The following TUBGCP6 variants were observed in gnomAD, a reference collection of about 807,000 sequenced individuals.
TUBGCP6 encodes tubulin gamma complex component 6.
TUBGCP6 carries 161 observed loss-of-function variants against 175.8 expected under a neutral mutation model. The ratio of observed to expected loss-of-function variants is 0.92; its 90% CI spans 0.81 to 1.04. The LOEUF is 1.04. Among genes scored for constraint, TUBGCP6 ranks in the 50% least tolerant of loss-of-function variants. The pLI is 0.00. For synonymous variants in TUBGCP6, 1,173 were observed against 1,030.5 expected, an observed-to-expected ratio of 1.14 and a Z score of -2.65; for missense variants, 2,572 against 2,433.0, an observed-to-expected ratio of 1.06 and a Z score of -1.20.
chr22:50,225,651 C>T, intron 10 of TUBGCP6, 143 bp downstream of exon 10: 2 of 1,106,214 alleles, frequency 1.8e-6, no homozygotes, highest in East Asian at 5.3e-5. Flanking sequence ...CCCTTGGCAC[C>T]CACCCAGGCC....
chr22:50,220,532 T>C lies in TUBGCP6; in HGVS notation c.3827A>G (p.His1276Arg). 1.2e-6 allele frequency: 2 copies of C among 1,613,494 alleles called. No homozygotes were observed. The highest frequency in any genetic ancestry group is 1.7e-6 in the Non-Finnish European group (2 of 1,179,992). Reference protein sequence around the residue: ...WNTHVPIPPPHMVLGALSPEA... With the variant: ...WNTHVPIPPPRMVLGALSPEA... ...TGGTGAGAGAGCCCCCAGCACCATGTGGGGCGGAGGGATGGGTACATGGGT... is the reference window on the plus strand; with the variant it reads ...TGGTGAGAGAGCCCCCAGCACCATGCGGGGCGGAGGGATGGGTACATGGGT... Residue 1276 changes from histidine to arginine, a missense_variant, in exon 16 of 25, where the codon CAC (histidine) becomes CGC (arginine). Coordinates refer to ENST00000248846, the MANE Select transcript of TUBGCP6 (RefSeq NM_020461.4).
chr22:50,237,748 A>G (rs1350097111), intron 2 of TUBGCP6, among the ~76,000 whole-genome samples: 1 of 152,240 alleles, frequency 6.6e-6, no homozygotes, highest in Non-Finnish European at 1.5e-5. Context: ...CAGCGTATTC[A>G]GAACAGGGTG....
rs533848968 is a variant in TUBGCP6 at position 50,242,806 on chromosome 22, TTTAA to T, written c.741+909_741+912del. Among the ~76,000 whole-genome samples, 673 of 152,318 alleles carry T rather than the reference TTTAA, an allele frequency of 4.4e-3. 3 individuals are homozygous for T. The highest frequency in any genetic ancestry group is 0.015 in the African/African-American group (636 of 41,564). ...TGAGGAACTGAGTATTTTATTTTGT[TTTAA>T]TTAACTTCAATTTAAACGGCAGCTC... On this transcript the variant is annotated intron_variant, in intron 1 of 24. Transcript: ENST00000248846.
At position 50,217,805 on chromosome 22, in the gene TUBGCP6, G is replaced by C. The variant is rs771804706; in HGVS notation, c.5391C>G (p.Arg1797=). ...LFKVVTKLVN[R]GYQPHLEDFL... is the part of the protein sequence containing the mutation. ...AGTCCTCCAGGTGGGGCTGGTAGCCGCGGTTCACCAGCTTGGTCACCACTG... is the reference window on the plus strand; with the variant it reads ...AGTCCTCCAGGTGGGGCTGGTAGCCCCGGTTCACCAGCTTGGTCACCACTG... Residue 1797 remains arginine (R), a synonymous_variant, in exon 25 of 25, where the codon CGC becomes CGG. Transcript: ENST00000248846. The C allele has an allele frequency of 9.3e-6, 15 of 1,613,792 alleles. No individual in the cohort carries two copies. The Admixed American group carries it at 2.5e-4, about 27-fold the overall frequency.
At chr22:50,237,720 C>T (rs1018769689) in intron 2 of TUBGCP6, among the ~76,000 whole-genome samples, 11 of 152,194 alleles carry the variant, frequency 7.2e-5, no homozygotes, top group African/African-American at 1.2e-4. Flanking sequence ...CCCCACCGTG[C>T]GGGAGCTCCG....
At chr22:50,242,637 C>T (rs994084207) in intron 1 of TUBGCP6, among the ~76,000 whole-genome samples, 5 of 152,172 alleles carry the variant, frequency 3.3e-5, no homozygotes, top group African/African-American at 7.2e-5. Context: ...CAATAAAATA[C>T]AAAACTCAAA....
intron 1 of TUBGCP6, 95 bp from the exon 2 acceptor site, chr22:50,240,462 A>C (rs1313716299): frequency 6.9e-7 from 1 of 1,442,600 alleles, no homozygotes; most frequent in Non-Finnish European, 9.5e-7. Context: ...GCAAAGACCT[A>C]ACAAAATGTT....
At chr22:50,225,753 C>T (rs2064597410) in intron 10 of TUBGCP6, 41 bp downstream of exon 10, 10 of 1,581,836 alleles carry the variant, frequency 6.3e-6, no homozygotes, top group Non-Finnish European at 8.6e-6. Flanking sequence ...GAAGCAGAGG[C>T]AGGGGCGAAG....
At chr22:50,227,321 T>G (rs1280036174) in intron 5 of TUBGCP6, among the ~76,000 whole-genome samples, 1 of 150,984 alleles carries the variant, frequency 6.6e-6, no homozygotes, top group Admixed American at 6.6e-5. Flanking sequence ...CAGCAGGCCC[T>G]CCCTCCCAGG....
rs1432710350 is a variant in TUBGCP6, at chr22:50,217,781, G to A, written c.5415C>T (p.Asp1805=). ...TGTTGAAGTTGATGCGCAGCAGAAA[G>A]TCCTCCAGGTGGGGCTGGTAGCCGC... The part of the protein sequence containing the change: ...VNRGYQPHLE[D]FLLRINFNNY... The change falls in exon 25 of 25, where the codon GAC becomes GAT. Residue 1805 remains aspartate (D), a synonymous_variant. Coordinates refer to ENST00000248846, the MANE Select transcript of TUBGCP6 (RefSeq NM_020461.4). The A allele has an allele frequency of 1.2e-6, 2 of 1,613,922 alleles. No homozygotes were observed. The highest frequency in any genetic ancestry group is 1.3e-5 in the African/African-American group (1 of 74,908).
chr22:50,217,881 G>GC (rs754731247), intron 24 of TUBGCP6, 37 bp downstream of exon 24: 145 of 1,605,180 alleles, frequency 9.0e-5, no homozygotes, highest in South Asian at 6.7e-4. Context: ...CCCCGCCCTG[G>GC]CCCCCCCGCA....
rs749460077 is a variant in TUBGCP6, at chr22:50,244,015, C to T, written c.445G>A (p.Asp149Asn). ...VGRNVPYSGY[D>N]CDDLSVFEMD... is the part of the protein sequence containing the mutation. ...TCAAACACACTCAGGTCGTCGCAAT[C>T]ATAGCCGCTGTACGGAACGTTTCTC... Residue 149 changes from aspartate (D) to asparagine (N), a missense_variant, in exon 1 of 25, where the codon GAT (aspartate) becomes AAT (asparagine). Transcript: ENST00000248846. The T allele has an allele frequency of 5.0e-6, 8 of 1,614,012 alleles. No homozygotes were observed. The Admixed American group carries it at 1.3e-4, about 27-fold the overall frequency.
At position 50,233,308 on chromosome 22, in the gene TUBGCP6, G is replaced by A. The variant is rs368480479; in HGVS notation, c.1116+8C>T. ...ACACCACTGTGGCGGGGAGTGAGCA[G>A]TTCTCACCTGGCAGAGCGAAAACGT... On this transcript the variant is annotated splice_region_variant and intron_variant, in intron 3 of 24. Transcript: ENST00000248846. 2 of 1,609,478 alleles carry A rather than the reference G, an allele frequency of 1.2e-6. No homozygotes were observed. Among genetic ancestry groups the A allele is most frequent in the Non-Finnish European group, 1.7e-6 (2 of 1,177,564 alleles).
At chr22:50,238,924 C>T (rs2064808472) in intron 2 of TUBGCP6, among the ~76,000 whole-genome samples, 1 of 152,162 alleles carries the variant, frequency 6.6e-6, no homozygotes, top group African/African-American at 2.4e-5. Flanking sequence ...CCACCACCAC[C>T]GTGCTGGGAA....
Position 50,221,477 on chromosome 22 carries a change from A to C in TUBGCP6, c.2882T>G (p.Val961Gly). Residue 961 changes from valine (V) to glycine (G), a missense_variant, in exon 16 of 25, where the codon GTG (valine) becomes GGG (glycine). Val to Gly is a moderately radical substitution (Grantham distance 109). Coordinates refer to ENST00000248846, the MANE Select transcript of TUBGCP6 (RefSeq NM_020461.4). ...GGGCCCTGGTGCAGGTGAGGTGGCC[A>C]CAGCTGGCCTCAGGACAGTACTAAA... is the stretch of plus-strand genomic sequence containing the variant. Reference protein sequence around the residue: ...YDFSTVLRPAVATSPAPGPLQ... With the variant: ...YDFSTVLRPAGATSPAPGPLQ... The C allele has an allele frequency of 6.3e-7, 1 of 1,591,118 alleles. No individual in the cohort carries two copies. The highest frequency in any genetic ancestry group is 8.5e-7 in the Non-Finnish European group (1 of 1,170,378).
Position 50,218,786 on chromosome 22 carries a change from G to A in TUBGCP6, c.4738C>T (p.Leu1580Phe), listed in dbSNP as rs1479875415. 1 of 1,614,004 alleles carries A rather than the reference G, an allele frequency of 6.2e-7. No homozygotes were observed. Among genetic ancestry groups the A allele is most frequent in the Non-Finnish European group, 8.5e-7 (1 of 1,180,018 alleles). Residue 1580 changes from leucine to phenylalanine, a missense_variant, in exon 21 of 25, where the codon CTC (leucine) becomes TTC (phenylalanine). By Grantham distance (22) the Leu-to-Phe change is conservative (BLOSUM62 0). Transcript: ENST00000248846. The part of the protein sequence containing the change: ...LHGDTPHASN[L>F]SLALKYLPEV... ...GGCAGGTACTTGAGAGCGAGGGAGAGGTTGGAGGCGTGCGGGGTGTCCCCA... is the reference window on the plus strand; with the variant it reads ...GGCAGGTACTTGAGAGCGAGGGAGAAGTTGGAGGCGTGCGGGGTGTCCCCA...
intron 1 of TUBGCP6, among the ~76,000 whole-genome samples, chr22:50,241,704 T>A (rs11703790): frequency 4.7e-4 from 71 of 152,228 alleles, no homozygotes; most frequent in Admixed American, 4.5e-3. Flanking sequence ...AAGGGCCCCC[T>A]GTCCAGTTGA....
chr22:50,220,243 ACT>A lies in TUBGCP6; in HGVS notation c.4108+6_4108+7del, dbSNP rs554870008. The A allele has an allele frequency of 8.6e-5, 133 of 1,548,958 alleles. 1 individual carries two copies. In the African/African-American group the frequency reaches 1.6e-3, roughly 19 times the overall value. ...CCCACTCCTGACCACCAGCCACCCT[ACT>A]CTGACCTAGTTCTTCAGAGACACTG... On this transcript the variant is annotated splice_donor_region_variant and intron_variant, in intron 16 of 24. Transcript: ENST00000248846.
At chr22:50,225,350 G>A (rs983433294) in intron 10 of TUBGCP6, among the ~76,000 whole-genome samples, 3 of 152,172 alleles carry the variant, frequency 2.0e-5, no homozygotes, top group Middle Eastern at 3.4e-3. Flanking sequence ...CAGGAGAGGC[G>A]TGGCCCGTCC....
Sources: gnomAD v4.1 joint callset for allele counts (sites outside exome capture counted in the v4.1 genomes callset) on GRCh38, gnomAD v4.1.1 for gene constraint, MANE v1.5 for transcripts, NCBI Gene and HGNC (gene_info 2026-07-23, HGNC 2026-07-21) for gene names.